Variants in TMEM132B observed in about 807,000 individuals in gnomAD.
TMEM132B encodes the protein transmembrane protein 132B.
Under a neutral mutation model 90.8 loss-of-function variants are expected in TMEM132B, and 18 were observed. That is an observed-to-expected ratio of 0.20 (90% CI 0.14 to 0.29). TMEM132B has a LOEUF of 0.29. Among genes scored for constraint, TMEM132B ranks in the 10% least tolerant of loss-of-function variants. The pLI, the probability that TMEM132B is intolerant of heterozygous loss-of-function variation, is 1.00. For missense variants in TMEM132B, 1,096 were observed against 1,326.8 expected (o/e 0.83, Z 2.70); for synonymous variants, 504 against 523.3 (o/e 0.96, Z 0.50).
At chr12:125,499,794 A>G (rs1882650688) in intron 3 of TMEM132B, among the ~76,000 whole-genome samples, 1 of 152,194 alleles carries the variant, frequency 6.6e-6, no homozygotes, top group East Asian at 1.9e-4. Flanking sequence ...ACTGCTGATA[A>G]TATTTTACTA....
chr12:125,553,997 A>T (rs1322048934), intron 4 of TMEM132B, among the ~76,000 whole-genome samples: 3 of 152,116 alleles, frequency 2.0e-5, no homozygotes, highest in African/African-American at 7.2e-5. Flanking sequence ...AACATTACAA[A>T]CTCTCTTCCT....
At chr12:125,287,187 G>A (rs1875385464) in intron 1 of TMEM132B, among the ~76,000 whole-genome samples, 2 of 151,586 alleles carry the variant, frequency 1.3e-5, no homozygotes, top group South Asian at 4.2e-4. Context: ...TCCCTCCTCT[G>A]CTTCTGTGGC....
chr12:125,347,107 T>C (rs558708501), intron 1 of TMEM132B, among the ~76,000 whole-genome samples: 19 of 152,336 alleles, frequency 1.2e-4, no homozygotes, highest in African/African-American at 4.6e-4. Flanking sequence ...ATGGGCATTT[T>C]TAAGTATCTT....
intron 1 of TMEM132B, among the ~76,000 whole-genome samples, chr12:125,263,129 G>A (rs561398839): frequency 7.2e-5 from 11 of 152,192 alleles, no homozygotes; most frequent in Non-Finnish European, 1.6e-4. Flanking sequence ...CGTGGTATTG[G>A]CAGTGGTGGT....
intron 1 of TMEM132B, among the ~76,000 whole-genome samples, chr12:125,230,155 T>A (rs1873785005): frequency 6.6e-6 from 1 of 152,182 alleles, no homozygotes; most frequent in South Asian, 2.1e-4. Context: ...CTAAGGTATT[T>A]TGGGAGGAGA....
At chr12:125,374,432 G>GT (rs11394719) in intron 2 of TMEM132B, among the ~76,000 whole-genome samples, 22,956 of 151,050 alleles carry the variant, frequency 0.15, 2,163 homozygotes, top group African/African-American at 0.26. Flanking sequence ...CCACAAACAT[G>GT]TTTTTTTTTG....
chr12:125,467,383 C>A (rs1410703823), intron 3 of TMEM132B, among the ~76,000 whole-genome samples: 1 of 152,098 alleles, frequency 6.6e-6, no homozygotes, highest in Non-Finnish European at 1.5e-5. Flanking sequence ...CCCTCTCCTC[C>A]TCCTCTTTCT....
At chr12:125,540,074 A>G (rs939077970) in intron 4 of TMEM132B, among the ~76,000 whole-genome samples, 8 of 152,090 alleles carry the variant, frequency 5.3e-5, no homozygotes, top group African/African-American at 1.4e-4. Context: ...TCTTTGGTCC[A>G]TAGGTTTTAG....
chr12:125,252,395 C>T (rs575498844), intron 1 of TMEM132B, among the ~76,000 whole-genome samples: 1 of 152,346 alleles, frequency 6.6e-6, no homozygotes, highest in East Asian at 1.9e-4. Context: ...CTGTTCCAGC[C>T]TCCCACGGAG....
At chr12:125,651,642 C>G (rs1461795395) in intron 7 of TMEM132B, among the ~76,000 whole-genome samples, 1 of 152,188 alleles carries the variant, frequency 6.6e-6, no homozygotes, top group East Asian at 1.9e-4. Flanking sequence ...GCTTAAAAAA[C>G]ACCCGTTAGT....
At chr12:125,567,476 C>T (rs61592057) in intron 4 of TMEM132B, among the ~76,000 whole-genome samples, 3,228 of 152,252 alleles carry the variant, frequency 0.021, 124 homozygotes, top group African/African-American at 0.074. Flanking sequence ...CTTCATCCAT[C>T]GGTCCATGGG....
At position 125,578,594 on chromosome 12, in the gene TMEM132B, G is replaced by A. The variant is rs561210145; in HGVS notation, c.1294-5257G>A. On this transcript the variant is annotated intron_variant, in intron 4 of 8. Transcript: ENST00000682704. ...TCTAGTGTCCCTTCATTTGAGCCTA[G>A]AGGTCTTCTTTTGGTATTTCTTGGA... 1.4e-4 allele frequency among the ~76,000 whole-genome samples: 22 copies of A among 152,180 alleles called. No homozygotes were observed. In the South Asian group the frequency reaches 4.6e-3, roughly 32 times the overall value.
intron 3 of TMEM132B, among the ~76,000 whole-genome samples, chr12:125,514,425 C>T (rs925106399): frequency 2.0e-5 from 3 of 152,168 alleles, no homozygotes; most frequent in Non-Finnish European, 4.4e-5. Flanking sequence ...GAGGCACCAG[C>T]AAATCCTATC....
At chr12:125,533,596 A>T (rs965940258) in intron 4 of TMEM132B, among the ~76,000 whole-genome samples, 4 of 152,218 alleles carry the variant, frequency 2.6e-5, no homozygotes, top group African/African-American at 9.6e-5. Flanking sequence ...CCTCCGGGGA[A>T]GGACCTCGTG....
At chr12:125,481,168 CT>C (rs1882032875) in intron 3 of TMEM132B, among the ~76,000 whole-genome samples, 1 of 152,194 alleles carries the variant, frequency 6.6e-6, no homozygotes, top group Non-Finnish European at 1.5e-5. Context: ...ATAGGCAAAA[CT>C]GGAAGCATTC....
At chr12:125,566,475 C>T (rs1158372253) in intron 4 of TMEM132B, among the ~76,000 whole-genome samples, 1 of 152,196 alleles carries the variant, frequency 6.6e-6, no homozygotes. Flanking sequence ...TACCCAACAA[C>T]ATTTCGAGCA....
intron 1 of TMEM132B, among the ~76,000 whole-genome samples, chr12:125,321,067 G>A (rs1021258697): frequency 1.3e-5 from 2 of 152,226 alleles, no homozygotes; most frequent in Non-Finnish European, 2.9e-5. Flanking sequence ...GAGATTCAGC[G>A]TATGCATTGG....
intron 1 of TMEM132B, among the ~76,000 whole-genome samples, chr12:125,264,403 C>G (rs956145521): frequency 2.0e-5 from 3 of 152,212 alleles, no homozygotes; most frequent in African/African-American, 7.2e-5. Flanking sequence ...GGCAATCACT[C>G]TACTAAGCTT....
chr12:125,239,873 A>G (rs536580830), intron 1 of TMEM132B, among the ~76,000 whole-genome samples: 1 of 152,342 alleles, frequency 6.6e-6, no homozygotes, highest in African/African-American at 2.4e-5. Context: ...TGCCGCAGGC[A>G]TTGGTGCAGT....
Sources: allele counts gnomAD v4.1 joint callset (sites outside exome capture counted in the v4.1 genomes callset), GRCh38; gene constraint gnomAD v4.1.1; transcripts MANE v1.5; gene names NCBI Gene and HGNC (gene_info 2026-07-23, HGNC 2026-07-21).